RDX: variants seen among roughly 807,000 people sequenced by gnomAD.
RDX encodes the protein deafness, autosomal recessive 24.
Under a neutral mutation model 83.7 loss-of-function variants are expected in RDX, and 32 were observed. That is an observed-to-expected ratio of 0.38 (90% CI 0.29 to 0.51). The LOEUF (loss-of-function observed/expected upper bound fraction) is 0.51. Among genes scored for constraint, RDX ranks in the 20% least tolerant of loss-of-function variants. The pLI is 0.87. For synonymous variants in RDX, 229 were observed against 222.7 expected, an observed-to-expected ratio of 1.03 and a Z score of -0.25; for missense variants, 600 against 689.9, an observed-to-expected ratio of 0.87 and a Z score of 1.46.
chr11:110,239,840 T>TAAAAAAAAAAAAA (rs1356083526), intron 10 of RDX, among the ~76,000 whole-genome samples: 1 of 149,314 alleles, frequency 6.7e-6, no homozygotes. Context: ...GACTCTGTTT[T>TAAAAAAAAAAAAA]TAAAAAAAAA....
chr11:110,294,327 G>T (rs1000543006), intron 1 of RDX, among the ~76,000 whole-genome samples: 7 of 152,234 alleles, frequency 4.6e-5, no homozygotes, highest in Admixed American at 2.6e-4. Flanking sequence ...CCCAGGAGGC[G>T]GAGGTGCAGT....
chr11:110,179,903 C>CTTTTTTTTTTT (rs528601645), intron 15 of RDX: 21 of 364,570 alleles, frequency 5.8e-5, no homozygotes, highest in East Asian at 1.6e-4. Flanking sequence ...TTTCTTTTTT[C>CTTTTTTTTTTT]TTTTTTTTTT....
intron 14 of RDX, among the ~76,000 whole-genome samples, chr11:110,212,012 CA>C (rs1197349182): frequency 7.1e-6 from 1 of 140,328 alleles, no homozygotes; most frequent in African/African-American, 2.7e-5. Flanking sequence ...AATAGAGACA[CA>C]AAAAACCCTT....
intron 15 of RDX, among the ~76,000 whole-genome samples, chr11:110,194,270 A>T (rs1863158214): frequency 6.6e-6 from 1 of 152,246 alleles, no homozygotes; most frequent in South Asian, 2.1e-4. Flanking sequence ...AATAGGCTGG[A>T]GTGCAGTGGC....
chr11:110,204,620 G>A (rs1591509444), intron 14 of RDX, among the ~76,000 whole-genome samples: 1 of 146,976 alleles, frequency 6.8e-6, no homozygotes, highest in Admixed American at 7.0e-5. Context: ...GGGTTCAAGC[G>A]ATTCTCCTGC....
chr11:110,206,312 C>G (rs879529775), intron 14 of RDX, among the ~76,000 whole-genome samples: 2 of 147,564 alleles, frequency 1.4e-5, no homozygotes, highest in Non-Finnish European at 3.0e-5. Context: ...ATTGGGGGAA[C>G]TGATAAATTG....
At chr11:110,290,186 A>T (rs1422597495) in intron 1 of RDX, among the ~76,000 whole-genome samples, 1 of 152,114 alleles carries the variant, frequency 6.6e-6, no homozygotes, top group East Asian at 1.9e-4. Context: ...TACTGTGCTT[A>T]AAATGCTGCT....
chr11:110,256,176 T>C (rs931674572), intron 7 of RDX, among the ~76,000 whole-genome samples: 1 of 152,214 alleles, frequency 6.6e-6, no homozygotes, highest in African/African-American at 2.4e-5. Context: ...AGAAATGATT[T>C]TGACACCTAT....
intron 1 of RDX, among the ~76,000 whole-genome samples, chr11:110,291,520 G>A (rs1213380661): frequency 2.6e-5 from 4 of 152,112 alleles, no homozygotes; most frequent in Admixed American, 6.5e-5. Flanking sequence ...GGGGGTTTCT[G>A]GAAACAGTTC....
downstream of RDX, among the ~76,000 whole-genome samples, chr11:110,228,874 CTA>C (rs1864518446): frequency 2.0e-5 from 3 of 151,744 alleles, no homozygotes; most frequent in Non-Finnish European, 4.4e-5. Flanking sequence ...AAAAAAATCA[CTA>C]TGTGTCCTTG....
chr11:110,293,950 GA>G (rs1277137909), intron 1 of RDX, among the ~76,000 whole-genome samples: 5 of 152,238 alleles, frequency 3.3e-5, no homozygotes, highest in African/African-American at 1.2e-4. Flanking sequence ...AAAAATGGAT[GA>G]AAAAACAAGA....
chr11:110,180,193 C>A (rs919557276), intron 15 of RDX, among the ~76,000 whole-genome samples: 13 of 152,058 alleles, frequency 8.5e-5, no homozygotes, highest in African/African-American at 3.1e-4. Flanking sequence ...TGAGCCATGG[C>A]GCCTGGCCCT....
chr11:110,186,295 C>A (rs1371195947), intron 15 of RDX, among the ~76,000 whole-genome samples: 1 of 152,122 alleles, frequency 6.6e-6, no homozygotes, highest in Admixed American at 6.5e-5. Context: ...AAGAAGAAAT[C>A]CAGCCAACAG....
intron 15 of RDX, among the ~76,000 whole-genome samples, chr11:110,187,833 A>G (rs990118857): frequency 7.9e-5 from 12 of 152,206 alleles, no homozygotes; most frequent in Non-Finnish European, 5.9e-5. Flanking sequence ...TTGCCTGAGG[A>G]AAAAAGAGAG....
intron 3 of RDX, among the ~76,000 whole-genome samples, chr11:110,269,002 A>T (rs1471727127): frequency 6.6e-6 from 1 of 150,662 alleles, no homozygotes; most frequent in Non-Finnish European, 1.5e-5. Flanking sequence ...TAATTTATTT[A>T]TTTTTTTGCC....
At chr11:110,209,521 G>A (rs948415278) in intron 14 of RDX, among the ~76,000 whole-genome samples, 3 of 152,194 alleles carry the variant, frequency 2.0e-5, no homozygotes, top group Admixed American at 2.0e-4. Context: ...TCTGTAGGCA[G>A]CACCCTGGGG....
At chr11:110,187,085 C>A (rs1326820409) in intron 15 of RDX, among the ~76,000 whole-genome samples, 1 of 152,198 alleles carries the variant, frequency 6.6e-6, no homozygotes, top group Non-Finnish European at 1.5e-5. Context: ...GTAGTCAGAG[C>A]CAACTTGGCA....
intron 14 of RDX, among the ~76,000 whole-genome samples, chr11:110,210,874 A>G (rs1489627649): frequency 2.6e-5 from 4 of 152,224 alleles, no homozygotes; most frequent in African/African-American, 4.8e-5. Flanking sequence ...AGTACCAGCC[A>G]TTGCAAAATC....
chr11:110,176,480 C>T (rs1862776227), intron 15 of RDX, among the ~76,000 whole-genome samples: 1 of 152,176 alleles, frequency 6.6e-6, no homozygotes, highest in South Asian at 2.1e-4. Context: ...GCATTCTCAA[C>T]TCTGCCTCCT....
Sources: allele counts gnomAD v4.1 joint callset (sites outside exome capture counted in the v4.1 genomes callset), GRCh38; gene constraint gnomAD v4.1.1; transcripts MANE v1.5; gene names NCBI Gene and HGNC (gene_info 2026-07-23, HGNC 2026-07-21).